WIF1: variants seen among roughly 807,000 people sequenced by gnomAD.
WIF1 encodes the protein Wnt inhibitory factor 1.
In WIF1, 35 loss-of-function variants were observed where a neutral mutation model predicts 53.5. That is an observed-to-expected ratio of 0.65 (90% CI 0.50 to 0.87). WIF1 has a LOEUF of 0.87. WIF1 is among the 40% of genes least tolerant of loss of function. The pLI is 0.00. For missense variants in WIF1, 467 were observed against 476.8 expected (o/e 0.98, Z 0.19); for synonymous variants, 171 against 170.4 (o/e 1.00, Z -0.03).
At chr12:65,101,063 TA>T (rs1198243794) in intron 2 of WIF1, among the ~76,000 whole-genome samples, 1 of 152,188 alleles carries the variant, frequency 6.6e-6, no homozygotes, top group African/African-American at 2.4e-5. Flanking sequence ...ATTTTCCAAA[TA>T]TTTTTAAGGG....
intron 6 of WIF1, among the ~76,000 whole-genome samples, chr12:65,063,908 G>A (rs933116036): frequency 1.3e-5 from 2 of 152,088 alleles, no homozygotes; most frequent in African/African-American, 2.4e-5. Context: ...TATAGATGGA[G>A]TCTTGCTACA....
chr12:65,067,627 C>A (rs1882706831), intron 5 of WIF1, 68 bp downstream of exon 5: 2 of 1,468,924 alleles, frequency 1.4e-6, no homozygotes, highest in East Asian at 4.6e-5. Flanking sequence ...ACACAATACA[C>A]ATGGGGCTCC....
At position 65,087,147 on chromosome 12, in the gene WIF1, C is replaced by T. The variant is rs181527444; in HGVS notation, c.289-9293G>A. On this transcript the variant is annotated intron_variant, in intron 2 of 9. Coordinates refer to ENST00000286574, the MANE Select transcript of WIF1 (RefSeq NM_007191.5). Reference sequence around the variant, plus strand: ...CCTGGGTGACAGAGTGAGACTCCATCGCGGGGGAAAAAATAAAACAAAACA... The same window carrying T: ...CCTGGGTGACAGAGTGAGACTCCATTGCGGGGGAAAAAATAAAACAAAACA... Among the ~76,000 whole-genome samples, 336 of 152,174 alleles carry T rather than the reference C, an allele frequency of 2.2e-3. 1 individual carries two copies. Among genetic ancestry groups the T allele is most frequent in the African/African-American group, 7.5e-3 (310 of 41,540 alleles).
intron 2 of WIF1, among the ~76,000 whole-genome samples, chr12:65,095,020 T>C (rs1354987048): frequency 6.6e-6 from 1 of 151,542 alleles, no homozygotes; most frequent in Non-Finnish European, 1.5e-5. Flanking sequence ...GCAGCCTCCA[T>C]CTCCTGGGCT....
intron 7 of WIF1, among the ~76,000 whole-genome samples, chr12:65,061,427 G>GGGACACA (rs1302017015): frequency 6.6e-6 from 1 of 152,176 alleles, no homozygotes; most frequent in Admixed American, 6.5e-5. Context: ...AAGAAAGGCA[G>GGGACACA]GGACACAGGA....
intron 7 of WIF1, among the ~76,000 whole-genome samples, chr12:65,057,730 C>T (rs1592386785): frequency 6.6e-6 from 1 of 152,298 alleles, no homozygotes; most frequent in African/African-American, 2.4e-5. Flanking sequence ...CCACCTTTCA[C>T]TCTCTAAGCC....
At chr12:65,089,410 G>T (rs903034540) in intron 2 of WIF1, among the ~76,000 whole-genome samples, 2 of 151,912 alleles carry the variant, frequency 1.3e-5, no homozygotes, top group African/African-American at 4.8e-5. Context: ...TACCTCCCTG[G>T]TAACTCATGC....
intron 9 of WIF1, 98 bp downstream of exon 9, chr12:65,055,020 A>T: frequency 7.8e-7 from 1 of 1,278,636 alleles, no homozygotes; most frequent in South Asian, 1.4e-5. Flanking sequence ...TTTGAAGCCA[A>T]GAAACCGAAG....
At chr12:65,056,738 C>T (rs1273295971) in intron 7 of WIF1, among the ~76,000 whole-genome samples, 9 of 152,040 alleles carry the variant, frequency 5.9e-5, no homozygotes, top group Non-Finnish European at 1.3e-4. Flanking sequence ...CATCCTCCGC[C>T]TCCCAGGTTC....
intron 2 of WIF1, among the ~76,000 whole-genome samples, chr12:65,109,090 G>A (rs1176538413): frequency 1.3e-5 from 2 of 152,220 alleles, no homozygotes; most frequent in East Asian, 3.9e-4. Context: ...AAACCTAACT[G>A]TTCTAAATAA....
chr12:65,077,394 G>A (rs73312832), intron 3 of WIF1, among the ~76,000 whole-genome samples: 19,591 of 151,872 alleles, frequency 0.13, 1,550 homozygotes, highest in African/African-American at 0.22. Flanking sequence ...CACTTACTTT[G>A]TATCTTTGCC....
intron 3 of WIF1, among the ~76,000 whole-genome samples, chr12:65,075,939 A>T (rs12818732): frequency 0.023 from 3,496 of 152,336 alleles, 72 homozygotes; most frequent in Non-Finnish European, 0.035. Context: ...CACATTTTTC[A>T]TGGTCTAATA....
intron 2 of WIF1, among the ~76,000 whole-genome samples, chr12:65,111,740 C>T (rs1164714213): frequency 1.3e-5 from 2 of 152,166 alleles, no homozygotes; most frequent in Non-Finnish European, 2.9e-5. Flanking sequence ...GGTTCTTAAT[C>T]ATGTTTTACC....
chr12:65,099,701 C>A (rs1184159886), intron 2 of WIF1, among the ~76,000 whole-genome samples: 1 of 152,184 alleles, frequency 6.6e-6, no homozygotes, highest in Non-Finnish European at 1.5e-5. Context: ...CTTGGATATA[C>A]AGCTCTGGGA....
intron 2 of WIF1, among the ~76,000 whole-genome samples, chr12:65,089,372 C>A (rs985833774): frequency 6.6e-6 from 1 of 152,122 alleles, no homozygotes; most frequent in Non-Finnish European, 1.5e-5. Context: ...GACCAAAATT[C>A]AGACATTTCT....
At chr12:65,070,082 T>C (rs1882749552) in intron 3 of WIF1, among the ~76,000 whole-genome samples, 1 of 152,172 alleles carries the variant, frequency 6.6e-6, no homozygotes, top group African/African-American at 2.4e-5. Flanking sequence ...CCTAGGTTTA[T>C]AGGAATAAAT....
At chr12:65,054,468 T>C (rs1354484618) in intron 9 of WIF1, among the ~76,000 whole-genome samples, 2 of 152,210 alleles carry the variant, frequency 1.3e-5, no homozygotes, top group Non-Finnish European at 2.9e-5. Flanking sequence ...TGAATGAATT[T>C]AGCAAGTGTC....
At chr12:65,071,673 A>G (rs933212307) in intron 3 of WIF1, among the ~76,000 whole-genome samples, 4 of 152,192 alleles carry the variant, frequency 2.6e-5, no homozygotes, top group Non-Finnish European at 5.9e-5. Context: ...AAATGAACAC[A>G]TTAAAAATCC....
chr12:65,100,957 C>G (rs1199630682), intron 2 of WIF1, among the ~76,000 whole-genome samples: 1 of 152,072 alleles, frequency 6.6e-6, no homozygotes, highest in Non-Finnish European at 1.5e-5. Context: ...CCCTACTGCC[C>G]TTAAGCAAAA....
Sources: allele counts gnomAD v4.1 joint callset (sites outside exome capture counted in the v4.1 genomes callset), GRCh38; gene constraint gnomAD v4.1.1; transcripts MANE v1.5; gene names NCBI Gene and HGNC (gene_info 2026-07-23, HGNC 2026-07-21).